Variants in CDH23 observed in about 807,000 individuals in gnomAD.
CDH23 encodes the protein cadherin related 23.
Under a neutral mutation model 317.1 loss-of-function variants are expected in CDH23, and 189 were observed. The observed-to-expected ratio is 0.60, with a 90% CI of 0.53 to 0.67. CDH23 has a LOEUF of 0.67. Ranked by LOEUF, CDH23 falls within the 30% of genes least tolerant of loss-of-function variation. The pLI is 0.00. For missense variants in CDH23, 4,401 were observed against 4,592.4 expected (o/e 0.96, Z 1.20); for synonymous variants, 1,839 against 1,876.8 (o/e 0.98, Z 0.52).
At chr10:71,643,153 A>T (rs115848156) in intron 11 of CDH23, among the ~76,000 whole-genome samples, 5,276 of 152,298 alleles carry the variant, frequency 0.035, 125 homozygotes, top group Non-Finnish European at 0.054. Flanking sequence ...AAGTGAAAAG[A>T]CTGGACACAG....
chr10:71,574,634 T>G (rs562851863), intron 8 of CDH23, among the ~76,000 whole-genome samples: 53 of 152,250 alleles, frequency 3.5e-4, no homozygotes, highest in African/African-American at 1.2e-3. Context: ...CGGCTGAGCT[T>G]GCTGAGCAGG....
rs1564557846 is a variant in CDH23, at chr10:71,403,331, CTTTCTTTCTTTCTTTCTTTCTTT to C, written c.-6+6014_-6+6036del. 2.2e-3 allele frequency among the ~76,000 whole-genome samples: 116 copies of C among 52,346 alleles called. 9 individuals carry two copies. Among genetic ancestry groups the C allele is most frequent in the African/African-American group, 4.5e-3 (58 of 12,974 alleles). The allele number at this position is 52,346 out of a possible 152,430, so 34.3% of individuals were successfully genotyped here. A position where few individuals can be genotyped will look rare whatever the true frequency, so the allele number is the denominator to read the frequency against. On this transcript the variant is annotated intron_variant, in intron 1 of 69. Coordinates refer to ENST00000224721, the MANE Select transcript of CDH23 (RefSeq NM_022124.6). ...TTTCTCTTTCTTCCTTCCTTCCTTT[CTTTCTTTCTTTCTTTCTTTCTTT>C]CTTTCTTTCTTTCTTTCTTTCTTTC...
chr10:71,592,758 A>G (rs1859580014), intron 9 of CDH23, among the ~76,000 whole-genome samples: 1 of 152,114 alleles, frequency 6.6e-6, no homozygotes, highest in Non-Finnish European at 1.5e-5. Context: ...AGCGTTTCGG[A>G]CCTGGGTGCA....
At chr10:71,814,683 C>T (rs893843299) in intron 69 of CDH23, among the ~76,000 whole-genome samples, 2 of 142,594 alleles carry the variant, frequency 1.4e-5, no homozygotes, top group Non-Finnish European at 3.1e-5. Context: ...GAAGCCGATA[C>T]ACACACACAC....
chr10:71,592,742 GCTTGCAGCGTTTCGGAC>G (rs1270183051), intron 9 of CDH23, among the ~76,000 whole-genome samples: 2 of 152,168 alleles, frequency 1.3e-5, no homozygotes, highest in African/African-American at 4.8e-5. Context: ...AGCATGCAGA[GCTTGCAGCGTTTCGGAC>G]CTGGGTGCAT....
chr10:71,605,977 G>A (rs1445830740), intron 9 of CDH23, among the ~76,000 whole-genome samples: 1 of 152,204 alleles, frequency 6.6e-6, no homozygotes, highest in Admixed American at 6.5e-5. Flanking sequence ...ATCCTCAGAG[G>A]ACCAGGGGCC....
chr10:71,643,733 A>G lies in CDH23; in HGVS notation c.1135-128A>G, dbSNP rs10823810. The G allele has an allele frequency of 0.56, 382,438 of 682,858 alleles. 109,835 individuals are homozygous for G. The highest frequency in any genetic ancestry group is 0.62 in the Non-Finnish European group (230,061 of 373,622). The allele number at this position is 682,858 out of a possible 1,614,324, so 42.3% of individuals were successfully genotyped here. On this transcript the variant is annotated intron_variant, in intron 11 of 69. Coordinates refer to ENST00000224721, the MANE Select transcript of CDH23 (RefSeq NM_022124.6). ...GGGACAGCTGCTCCTCTAGGGTGTG[A>G]TCCTGGGGTCCCTCCCATGACCCAG...
intron 30 of CDH23, among the ~76,000 whole-genome samples, chr10:71,728,062 C>T (rs1866894492): frequency 6.6e-6 from 1 of 152,066 alleles, no homozygotes; most frequent in Admixed American, 6.5e-5. Flanking sequence ...TGTTTTTTCC[C>T]CACAACCCTT....
At chr10:71,551,347 T>C (rs112975812) in intron 6 of CDH23, among the ~76,000 whole-genome samples, 3,367 of 152,132 alleles carry the variant, frequency 0.022, 129 homozygotes, top group African/African-American at 0.077. Flanking sequence ...CAGGGTGCCC[T>C]AGGAGCTGTT....
intron 14 of CDH23, among the ~76,000 whole-genome samples, chr10:71,656,179 T>C (rs1458965985): frequency 2.0e-5 from 3 of 152,180 alleles, no homozygotes; most frequent in Admixed American, 1.3e-4. Flanking sequence ...GGCCACCAGC[T>C]TCCAGGATCG....
At chr10:71,590,287 A>G (rs1859376184) in intron 9 of CDH23, among the ~76,000 whole-genome samples, 1 of 152,280 alleles carries the variant, frequency 6.6e-6, no homozygotes, top group Non-Finnish European at 1.5e-5. Flanking sequence ...ATTCTGGCAC[A>G]GAACGAAATT....
chr10:71,553,787 T>G (rs1856731057), intron 6 of CDH23, among the ~76,000 whole-genome samples: 1 of 152,234 alleles, frequency 6.6e-6, no homozygotes, highest in Admixed American at 6.5e-5. Flanking sequence ...TGGAGCCCCA[T>G]TTGTGAGCAA....
At chr10:71,603,970 G>C (rs1004964805) in intron 9 of CDH23, among the ~76,000 whole-genome samples, 1 of 152,222 alleles carries the variant, frequency 6.6e-6, no homozygotes, top group Admixed American at 6.5e-5. Context: ...CCATCTCTCA[G>C]GGGCAAGCAG....
rs189403819 is a variant in CDH23 at position 71,654,568 on chromosome 10, G to A, written c.1449+7951G>A. ...AATACAGAAAGGGTGCGGTAGGGAG[G>A]CCTTCTCTTTCCTTGGGATCTGAGG... On this transcript the variant is annotated intron_variant, in intron 14 of 69. Coordinates refer to ENST00000224721, the MANE Select transcript of CDH23 (RefSeq NM_022124.6). Among the ~76,000 whole-genome samples the A allele has an allele frequency of 2.4e-3, 361 of 152,332 alleles. 1 individual carries two copies. The highest frequency in any genetic ancestry group is 6.7e-3 in the Admixed American group (102 of 15,300).
At chr10:71,732,505 A>G (rs1839426826) in intron 32 of CDH23, 130 bp downstream of exon 32, 1 of 1,397,548 alleles carries the variant, frequency 7.2e-7, no homozygotes, top group South Asian at 1.4e-5. Flanking sequence ...GGTGTTAGGT[A>G]CCTGTAGTCC....
chr10:71,762,821 G>A (rs1041501924), intron 38 of CDH23, among the ~76,000 whole-genome samples: 4 of 152,222 alleles, frequency 2.6e-5, no homozygotes, highest in Non-Finnish European at 4.4e-5. Flanking sequence ...TCTCATCCAT[G>A]CACGTCCTTC....
chr10:71,786,910 G>A (rs889687430), intron 44 of CDH23, among the ~76,000 whole-genome samples: 11 of 152,046 alleles, frequency 7.2e-5, no homozygotes, highest in Non-Finnish European at 1.0e-4. Flanking sequence ...GGCAGGACTC[G>A]GTGGGCTTAG....
chr10:71,647,806 AC>A (rs1862967880), intron 14 of CDH23: 1 of 152,248 alleles, frequency 6.6e-6, no homozygotes, highest in South Asian at 2.1e-4. Context: ...CTATTCTAAG[AC>A]AAGGGATTGA....
chr10:71,681,550 T>A (rs1236456863), intron 17 of CDH23, among the ~76,000 whole-genome samples: 1 of 152,110 alleles, frequency 6.6e-6, no homozygotes, highest in Admixed American at 6.6e-5. Flanking sequence ...TAACCCCGAG[T>A]ACCTCCCCAT....
Sources: allele counts gnomAD v4.1 joint callset (sites outside exome capture counted in the v4.1 genomes callset), GRCh38; gene constraint gnomAD v4.1.1; transcripts MANE v1.5; gene names NCBI Gene and HGNC (gene_info 2026-07-23, HGNC 2026-07-21).